Variants in SIRT1 observed in about 807,000 individuals in gnomAD.
SIRT1 encodes the protein sirtuin 1.
Under a neutral mutation model 67.9 loss-of-function variants are expected in SIRT1, and 24 were observed. The ratio of observed to expected loss-of-function variants is 0.35; its 90% CI spans 0.26 to 0.50. SIRT1 has a LOEUF of 0.50. Among genes scored for constraint, SIRT1 ranks in the 20% least tolerant of loss-of-function variants. SIRT1 has a pLI of 0.98. For missense variants in SIRT1, 873 were observed against 937.2 expected (o/e 0.93, Z 0.89); for synonymous variants, 378 against 350.7 (o/e 1.08, Z -0.87).
chr10:67,896,620 C>A (rs547806343), intron 4 of SIRT1, among the ~76,000 whole-genome samples: 12 of 151,860 alleles, frequency 7.9e-5, no homozygotes, highest in African/African-American at 2.9e-4. Context: ...CATGGTGAAA[C>A]CCTGTCTCTA....
chr10:67,895,557 A>C (rs10997865), intron 4 of SIRT1, among the ~76,000 whole-genome samples: 81,491 of 151,800 alleles, frequency 0.54, 23,500 homozygotes, highest in Non-Finnish European at 0.66. Context: ...AGTTCACTAA[A>C]GTGGTTTATG....
In SIRT1 at chr10:67,916,434, T is replaced by G; in HGVS notation, c.2085T>G (p.Ile695Met). The G allele has an allele frequency of 1.2e-6, 2 of 1,614,134 alleles. No individual in the cohort carries two copies. Among genetic ancestry groups the G allele is most frequent in the Non-Finnish European group, 1.7e-6 (2 of 1,180,016 alleles). Residue 695 changes from isoleucine (I) to methionine (M), a missense_variant, in exon 9 of 9, where the codon ATT becomes ATG. Around this residue, in one of 3 missense-constraint regions of SIRT1, gnomAD observed 295 missense variants for 294.5 expected, o/e 1.00. Coordinates refer to ENST00000212015, the MANE Select transcript of SIRT1 (RefSeq NM_012238.5). ...AACCCATGGAGGATGAAAGTGAAATTGAAGAATTCTACAATGGCTTAGAAG... is the reference window on the plus strand; with the variant it reads ...AACCCATGGAGGATGAAAGTGAAATGGAAGAATTCTACAATGGCTTAGAAG... Reference protein sequence around the residue: ...LEEPMEDESEIEEFYNGLEDE... With the variant: ...LEEPMEDESEMEEFYNGLEDE...
At chr10:67,894,169 A>G (rs1279351618) in intron 4 of SIRT1, among the ~76,000 whole-genome samples, 1 of 152,166 alleles carries the variant, frequency 6.6e-6, no homozygotes, top group African/African-American at 2.4e-5. Context: ...TTAAATGGGC[A>G]TTAGTGTAAA....
At chr10:67,898,759 CAA>C (rs1206505914) in intron 4 of SIRT1, among the ~76,000 whole-genome samples, 3 of 152,114 alleles carry the variant, frequency 2.0e-5, no homozygotes, top group East Asian at 1.9e-4. Context: ...TTGCTTGAAC[CAA>C]AGAGTTTGAG....
chr10:67,886,043 T>TGA (rs1358645377), intron 1 of SIRT1, among the ~76,000 whole-genome samples: 1 of 150,238 alleles, frequency 6.7e-6, no homozygotes, highest in African/African-American at 2.5e-5. Flanking sequence ...CCTCCCGCGT[T>TGA]CAACCGATTC....
intron 1 of SIRT1, 52 bp downstream of exon 1, chr10:67,885,203 G>A (rs1380870120): frequency 1.5e-6 from 2 of 1,293,398 alleles, no homozygotes; most frequent in Non-Finnish European, 2.0e-6. Context: ...CCCTCTCCCC[G>A]GGCTCCTACT....
In SIRT1 at chr10:67,889,085, C is replaced by G; in HGVS notation, c.751C>G (p.Gln251Glu). Residue 251 changes from glutamine to glutamate, a missense_variant, in exon 3 of 9, where the codon CAA becomes GAA. Gln to Glu is a conservative substitution (Grantham distance 29). This residue lies in a region of SIRT1 where 251 missense variants were observed against 358.8 expected (regional missense o/e 0.70). Transcript: ENST00000212015. ...NTIEDAVKLL[Q>E]ECKKIIVLTG... ...AATTGAAGATGCTGTGAAATTACTG[C>G]AAGAGTGCAAAAAAATTATAGTTCT... 1 of 1,605,816 alleles carries G rather than the reference C, an allele frequency of 6.2e-7. No homozygotes were observed. Among genetic ancestry groups the G allele is most frequent in the South Asian group, 1.1e-5 (1 of 90,616 alleles).
At position 67,916,227 on chromosome 10, in the gene SIRT1, A is replaced by G. The variant is rs749623202; in HGVS notation, c.1916-38A>G. 1.9e-6 allele frequency: 3 copies of G among 1,549,510 alleles called. 1 individual carries two copies. Among genetic ancestry groups the G allele is most frequent in the Non-Finnish European group, 2.6e-6 (3 of 1,135,994 alleles). On this transcript the variant is annotated intron_variant, in intron 8 of 8. Transcript: ENST00000212015. ...AGACTGCTCAGACTGAGTTAGTGTTAGAAAACTGAAAGTAACATTTTTATT... is the reference window on the plus strand; with the variant it reads ...AGACTGCTCAGACTGAGTTAGTGTTGGAAAACTGAAAGTAACATTTTTATT...
intron 6 of SIRT1, 47 bp from the exon 7 acceptor site, chr10:67,909,209 G>T: frequency 7.5e-7 from 1 of 1,330,258 alleles, no homozygotes; most frequent in Admixed American, 2.4e-5. Context: ...TCTAACTTGG[G>T]CTTACTCTTT....
intron 4 of SIRT1, among the ~76,000 whole-genome samples, chr10:67,900,320 T>C (rs1397974040): frequency 6.6e-6 from 1 of 151,940 alleles, no homozygotes; most frequent in Admixed American, 6.6e-5. Context: ...TAATTTGTAT[T>C]TTTAGTAGAG....
rs1298574797 is a variant in SIRT1 at position 67,916,925 on chromosome 10, G to GT, written c.*335dup. ...TAATTTTTTTTGTTTTGTCTAGTGA[G>GT]TTTCAACATTTTTAAAGTTTTCAAA... On this transcript the variant is annotated 3_prime_UTR_variant, in exon 9 of 9. Coordinates refer to ENST00000212015, the MANE Select transcript of SIRT1 (RefSeq NM_012238.5). 1 of 163,732 alleles carries GT rather than the reference G, an allele frequency of 6.1e-6. No homozygotes were observed. Among genetic ancestry groups the GT allele is most frequent in the Non-Finnish European group, 1.3e-5 (1 of 76,054 alleles). The allele number at this position is 163,732 out of a possible 1,614,324, so 10.1% of individuals were successfully genotyped here. A position where few individuals can be genotyped will look rare whatever the true frequency, so the allele number is the denominator to read the frequency against.
intron 4 of SIRT1, among the ~76,000 whole-genome samples, chr10:67,901,188 G>T (rs1320628284): frequency 6.6e-6 from 1 of 151,658 alleles, no homozygotes; most frequent in East Asian, 1.9e-4. Context: ...AGATAGTCTT[G>T]CTCTGACACC....
chr10:67,914,413 T>C (rs1258121303), intron 8 of SIRT1, among the ~76,000 whole-genome samples: 2 of 152,094 alleles, frequency 1.3e-5, no homozygotes, highest in Non-Finnish European at 2.9e-5. Context: ...CAGAAGGCTT[T>C]CTAAGGAGCA....
Position 67,884,888 on chromosome 10 carries a change from C to T in SIRT1, c.167C>T (p.Pro56Leu). The T allele has an allele frequency of 8.2e-7, 1 of 1,218,170 alleles. No individual in the cohort carries two copies. Among genetic ancestry groups the T allele is most frequent in the Non-Finnish European group, 1.0e-6 (1 of 979,282 alleles). The allele number at this position is 1,218,170 out of a possible 1,614,324, so 75.5% of individuals were successfully genotyped here. A position where few individuals can be genotyped will look rare whatever the true frequency, so the allele number is the denominator to read the frequency against. Reference sequence around the variant, plus strand: ...CCGGGCGAGCCCGGTGGGGCGGCCCCAGAGCGTGAGGTGCCGGCGGCGGCC... The same window carrying T: ...CCGGGCGAGCCCGGTGGGGCGGCCCTAGAGCGTGAGGTGCCGGCGGCGGCC... ...RSPGEPGGAA[P>L]EREVPAAARG... The change falls in exon 1 of 9, where the codon CCA becomes CTA. Residue 56 changes from proline (P) to leucine (L), a missense_variant. This residue lies in a region of SIRT1 where 327 missense variants were observed against 283.9 expected (regional missense o/e 1.15). Coordinates refer to ENST00000212015, the MANE Select transcript of SIRT1 (RefSeq NM_012238.5).
chr10:67,913,914 C>G (rs772507979), intron 8 of SIRT1, among the ~76,000 whole-genome samples: 10 of 151,708 alleles, frequency 6.6e-5, no homozygotes, highest in Non-Finnish European at 1.0e-4. Context: ...TCATATTAGG[C>G]ACTGTGGTAA....
At chr10:67,901,570 A>T (rs1246156274) in intron 4 of SIRT1, among the ~76,000 whole-genome samples, 1 of 152,128 alleles carries the variant, frequency 6.6e-6, no homozygotes, top group Non-Finnish European at 1.5e-5. Context: ...TGTTTTCTTT[A>T]CAGCCTTGAA....
intron 4 of SIRT1, among the ~76,000 whole-genome samples, chr10:67,895,482 A>G (rs547995399): frequency 6.6e-6 from 1 of 152,296 alleles, no homozygotes; most frequent in East Asian, 1.9e-4. Flanking sequence ...ATTTCTAAAT[A>G]TTACAAGAAT....
chr10:67,892,536 A>G (rs1842589559), intron 4 of SIRT1, among the ~76,000 whole-genome samples: 1 of 151,128 alleles, frequency 6.6e-6, no homozygotes, highest in African/African-American at 2.4e-5. Context: ...CTGCCATTGC[A>G]CTCCACCCTG....
intron 5 of SIRT1, among the ~76,000 whole-genome samples, chr10:67,907,387 C>G (rs981864491): frequency 3.3e-5 from 5 of 149,932 alleles, no homozygotes; most frequent in African/African-American, 1.2e-4. Context: ...CCCAGCTACT[C>G]AGGAGGCTGA....
Sources: gnomAD v4.1 joint callset for allele counts (sites outside exome capture counted in the v4.1 genomes callset) on GRCh38, gnomAD v4.1.1 for gene constraint, gnomAD v4.1.1 regional missense constraint, MANE v1.5 for transcripts, NCBI Gene and HGNC (gene_info 2026-07-23, HGNC 2026-07-21) for gene names.